The following COL22A1 variants were observed in gnomAD, a reference collection of about 807,000 sequenced individuals.
COL22A1 encodes the protein collagen alpha-1(XXII) chain.
In COL22A1, 221 loss-of-function variants were observed where a neutral mutation model predicts 248.9. The observed-to-expected ratio is 0.89, with a 90% CI of 0.80 to 0.99. The LOEUF (loss-of-function observed/expected upper bound fraction) is 0.99, where lower values mean the gene tolerates loss of function less well. Among genes scored for constraint, COL22A1 ranks in the 50% least tolerant of loss-of-function variants. The pLI, the probability that COL22A1 is intolerant of heterozygous loss-of-function variation, is 0.00. For synonymous variants in COL22A1, 891 were observed against 793.4 expected, an observed-to-expected ratio of 1.12 and a Z score of -2.07; for missense variants, 2,240 against 2,179.0, an observed-to-expected ratio of 1.03 and a Z score of -0.56.
intron 39 of COL22A1, among the ~76,000 whole-genome samples, chr8:138,681,784 A>G (rs1825981169): frequency 6.6e-6 from 1 of 152,208 alleles, no homozygotes; most frequent in African/African-American, 2.4e-5. Flanking sequence ...ACTATTTTAT[A>G]TGATCCCGCA....
chr8:138,660,612 G>A (rs1823737480), intron 43 of COL22A1, 132 bp from the exon 44 acceptor site: 2 of 729,194 alleles, frequency 2.7e-6, no homozygotes, highest in Non-Finnish European at 4.6e-6. Flanking sequence ...CAGACCATGA[G>A]GATTGGCACC....
At chr8:138,793,675 C>G (rs1199403603) in intron 12 of COL22A1, among the ~76,000 whole-genome samples, 3 of 152,338 alleles carry the variant, frequency 2.0e-5, no homozygotes, top group African/African-American at 7.2e-5. Flanking sequence ...CACAACTATG[C>G]CCTCGCGGCA....
intron 22 of COL22A1, among the ~76,000 whole-genome samples, chr8:138,740,759 A>C (rs2131276035): frequency 6.6e-6 from 1 of 152,282 alleles, no homozygotes. Context: ...AGAGAAAGAA[A>C]AGTGTCAGAG....
At chr8:138,688,587 A>C (rs561435088) in intron 37 of COL22A1, among the ~76,000 whole-genome samples, 28 of 152,222 alleles carry the variant, frequency 1.8e-4, no homozygotes, top group African/African-American at 6.7e-4. Flanking sequence ...ATAATGGATA[A>C]GTTGGTGCAC....
chr8:138,690,573 TG>T (rs1826761255), intron 36 of COL22A1, among the ~76,000 whole-genome samples: 1 of 152,152 alleles, frequency 6.6e-6, no homozygotes, highest in African/African-American at 2.4e-5. Flanking sequence ...CCAACACCAG[TG>T]AAATGTACAG....
intron 18 of COL22A1, among the ~76,000 whole-genome samples, chr8:138,756,602 G>A (rs948007873): frequency 1.7e-4 from 26 of 152,228 alleles, no homozygotes; most frequent in Middle Eastern, 3.4e-3. Context: ...TTAGCTCAGG[G>A]AGCATGGGAA....
rs538681315 is a variant in COL22A1, at chr8:138,742,421, G to A, written c.2086-4844C>T. Among the ~76,000 whole-genome samples, 267 of 151,800 alleles carry A rather than the reference G, an allele frequency of 1.8e-3. 2 individuals are homozygous for A. Among genetic ancestry groups the A allele is most frequent in the African/African-American group, 6.2e-3 (256 of 41,258 alleles). On this transcript the variant is annotated intron_variant, in intron 22 of 64. Coordinates refer to ENST00000303045, the MANE Select transcript of COL22A1 (RefSeq NM_152888.3). The stretch of plus-strand genomic sequence containing the variant: ...GATGGTAGTAGTGATTGTGATGGTG[G>A]AGTTGATGGTGATGGTAGAGTTGAT...
rs1818295268 is a variant in COL22A1 at position 138,604,755 on chromosome 8, C to A, written c.4119G>T (p.Glu1373Asp). The A allele has an allele frequency of 1.2e-6, 2 of 1,612,712 alleles. No individual in the cohort carries two copies. Among genetic ancestry groups the A allele is most frequent in the African/African-American group, 2.7e-5 (2 of 74,922 alleles). The change falls in exon 59 of 65, where the codon GAG (glutamate) becomes GAT (aspartate). Residue 1373 changes from glutamate (E) to aspartate (D), a missense_variant. By Grantham distance (45) the Glu-to-Asp change is conservative. Transcript: ENST00000303045. ...GPRGPPGEPG[E>D]KGVPGKEGVP... ...TTGCCTCCTTGCCTGGGACTCCTTT[C>A]TCTCCTGGTTCTCCCTGGAAAACAG... is the stretch of plus-strand genomic sequence containing the variant.
intron 30 of COL22A1, among the ~76,000 whole-genome samples, chr8:138,704,826 C>G (rs1016804695): frequency 6.6e-6 from 1 of 152,168 alleles, no homozygotes; most frequent in African/African-American, 2.4e-5. Flanking sequence ...TAATAACAAA[C>G]TTCACTGAGC....
At chr8:138,726,849 G>A (rs1485604098) in intron 23 of COL22A1, among the ~76,000 whole-genome samples, 1 of 152,190 alleles carries the variant, frequency 6.6e-6, no homozygotes, top group Non-Finnish European at 1.5e-5. Flanking sequence ...GAGGAGGAGC[G>A]ACTTTGCCGT....
chr8:138,708,137 G>A (rs1034122250), intron 30 of COL22A1, among the ~76,000 whole-genome samples: 1 of 152,092 alleles, frequency 6.6e-6, no homozygotes, highest in Non-Finnish European at 1.5e-5. Context: ...AAATAAAAGA[G>A]GACACAAACA....
chr8:138,643,819 C>G (rs1821958994), intron 47 of COL22A1, among the ~76,000 whole-genome samples: 1 of 152,180 alleles, frequency 6.6e-6, no homozygotes, highest in Non-Finnish European at 1.5e-5. Flanking sequence ...TATGCCTCAG[C>G]CTCCCAAGTA....
chr8:138,591,878 C>T (rs1239517245), intron 63 of COL22A1, among the ~76,000 whole-genome samples: 2 of 152,180 alleles, frequency 1.3e-5, no homozygotes, highest in African/African-American at 4.8e-5. Flanking sequence ...CATACTGACT[C>T]ATTCAGACAA....
At chr8:138,826,416 C>T (rs2131785608) in intron 6 of COL22A1, among the ~76,000 whole-genome samples, 1 of 152,286 alleles carries the variant, frequency 6.6e-6, no homozygotes, top group Non-Finnish European at 1.5e-5. Context: ...AGGACAGGAA[C>T]TCAGTCTTCT....
intron 50 of COL22A1, among the ~76,000 whole-genome samples, chr8:138,627,043 C>T (rs370303184): frequency 9.8e-5 from 15 of 152,328 alleles, no homozygotes; most frequent in African/African-American, 3.6e-4. Context: ...TTCTAATTCA[C>T]ATGCCACACA....
intron 60 of COL22A1, among the ~76,000 whole-genome samples, chr8:138,599,356 G>A (rs1205972930): frequency 6.6e-6 from 1 of 152,150 alleles, no homozygotes; most frequent in Admixed American, 6.5e-5. Context: ...GCAGGTGCCT[G>A]TAGTCCCAGC....
intron 22 of COL22A1, among the ~76,000 whole-genome samples, chr8:138,745,239 G>A (rs563965949): frequency 4.0e-4 from 60 of 151,196 alleles, no homozygotes; most frequent in African/African-American, 1.4e-3. Context: ...ATGTCTAGGC[G>A]ATTTCAGCTG....
intron 5 of COL22A1, among the ~76,000 whole-genome samples, chr8:138,832,715 T>C (rs1290461999): frequency 6.6e-6 from 1 of 152,182 alleles, no homozygotes; most frequent in Non-Finnish European, 1.5e-5. Context: ...GTAGGTGCTA[T>C]GCACTACTAA....
chr8:138,693,617 C>A (rs371087718), intron 35 of COL22A1, 29 bp downstream of exon 35: 67 of 1,566,224 alleles, frequency 4.3e-5, no homozygotes, highest in Non-Finnish European at 5.1e-5. Flanking sequence ...GGGGCTCCCC[C>A]ACGAGGCAGG....
Sources: gnomAD v4.1 joint callset for allele counts (sites outside exome capture counted in the v4.1 genomes callset) on GRCh38, gnomAD v4.1.1 for gene constraint, MANE v1.5 for transcripts, NCBI Gene and HGNC (gene_info 2026-07-23, HGNC 2026-07-21) for gene names.